CNTLN: variants seen among roughly 807,000 people sequenced by gnomAD.
CNTLN encodes the protein centlein.
Under a neutral mutation model 180.0 loss-of-function variants are expected in CNTLN, and 212 were observed. The observed-to-expected ratio is 1.18, with a 90% CI of 1.05 to 1.32. CNTLN has a LOEUF of 1.32. Among genes scored for constraint, CNTLN ranks in the 40% most tolerant of loss-of-function variants. The pLI, the probability that CNTLN is intolerant of heterozygous loss-of-function variation, is 0.00. For missense variants in CNTLN, 2,095 were observed against 1,610.9 expected (o/e 1.30, Z -5.14); for synonymous variants, 722 against 563.1 (o/e 1.28, Z -3.99).
intron 7 of CNTLN, among the ~76,000 whole-genome samples, chr9:17,304,205 G>A (rs1027667284): frequency 6.6e-6 from 1 of 152,098 alleles, no homozygotes; most frequent in African/African-American, 2.4e-5. Flanking sequence ...AGAGCTCTCC[G>A]TAACAAATCA....
intron 1 of CNTLN, among the ~76,000 whole-genome samples, chr9:17,139,322 G>T (rs1817927758): frequency 6.6e-6 from 1 of 151,924 alleles, no homozygotes; most frequent in Non-Finnish European, 1.5e-5. Flanking sequence ...TCCTGACCTT[G>T]TGATCTGCCC....
At chr9:17,499,106 A>T (rs1384629613) in intron 25 of CNTLN, among the ~76,000 whole-genome samples, 1 of 152,214 alleles carries the variant, frequency 6.6e-6, no homozygotes, top group Non-Finnish European at 1.5e-5. Context: ...AATATGGCAA[A>T]CAAATAAGCA....
Position 17,155,240 on chromosome 9 carries a change from C to T in CNTLN, c.449+11864C>T, listed in dbSNP as rs577873691. Among the ~76,000 whole-genome samples, 12 of 152,296 alleles carry T rather than the reference C, an allele frequency of 7.9e-5. No individual in the cohort carries two copies. In the East Asian group the frequency reaches 1.9e-3, roughly 25 times the overall value. On this transcript the variant is annotated intron_variant, in intron 2 of 25. Coordinates refer to ENST00000380647, the MANE Select transcript of CNTLN (RefSeq NM_017738.4). ...TCCGCAGCTTCATTCGTGAAGTCAG[C>T]GAGACCAAGAACCCACTAGAAGGAA...
chr9:17,415,880 A>G lies in CNTLN; in HGVS notation c.2889A>G (p.Arg963=), dbSNP rs1828185214. The G allele has an allele frequency of 6.2e-7, 1 of 1,605,504 alleles. No individual in the cohort carries two copies. Residue 963 remains arginine (R), a splice_region_variant and synonymous_variant, in exon 17 of 26, where the codon AGA becomes AGG. Transcript: ENST00000380647. ...QKSSHTAVPT[R]VNREKYKNIT... ...GTTCACATACAGCAGTTCCTACTAGAGGTAAGAATGTATATGCAATTAACA... is the reference window on the plus strand; with the variant it reads ...GTTCACATACAGCAGTTCCTACTAGGGGTAAGAATGTATATGCAATTAACA...
chr9:17,288,041 T>G, intron 6 of CNTLN, among the ~76,000 whole-genome samples: 1 of 138,874 alleles, frequency 7.2e-6, no homozygotes, highest in East Asian at 2.1e-4. Context: ...ATTTCTTGCC[T>G]TCTGCTAGCT....
At chr9:17,366,820 C>A (rs1254411920) in intron 13 of CNTLN, 103 bp downstream of exon 13, 1 of 664,856 alleles carries the variant, frequency 1.5e-6, no homozygotes, top group East Asian at 3.0e-5. Flanking sequence ...CTTTTTGTTT[C>A]TTTTCCAACA....
intron 2 of CNTLN, among the ~76,000 whole-genome samples, chr9:17,154,120 T>A (rs1000838888): frequency 6.6e-6 from 1 of 152,122 alleles, no homozygotes; most frequent in Non-Finnish European, 1.5e-5. Flanking sequence ...AGCTCAGAGT[T>A]GTTTGTTATT....
At position 17,327,452 on chromosome 9, in the gene CNTLN, G is replaced by C. The variant is rs542460405; in HGVS notation, c.1342-3180G>C. Among the ~76,000 whole-genome samples, 41 of 150,250 alleles carry C rather than the reference G, an allele frequency of 2.7e-4. 1 individual carries two copies. The highest frequency in any genetic ancestry group is 9.8e-4 in the African/African-American group (40 of 40,994). Reference sequence around the variant, plus strand: ...GCTCTTCTCGGCCTCCCGAAGTGCTGGGATTACAGGCATGAGCCACCGCAC... The same window carrying C: ...GCTCTTCTCGGCCTCCCGAAGTGCTCGGATTACAGGCATGAGCCACCGCAC... On this transcript the variant is annotated intron_variant, in intron 8 of 25. Transcript: ENST00000380647.
chr9:17,317,746 CAGAG>C (rs1040894533), intron 8 of CNTLN, among the ~76,000 whole-genome samples: 1 of 152,078 alleles, frequency 6.6e-6, no homozygotes, highest in African/African-American at 2.4e-5. Context: ...GCATTCTAAA[CAGAG>C]AGAACAAATG....
At chr9:17,415,567 A>T (rs1164518846) in intron 16 of CNTLN, among the ~76,000 whole-genome samples, 1 of 151,978 alleles carries the variant, frequency 6.6e-6, no homozygotes, top group African/African-American at 2.4e-5. Flanking sequence ...TTTAAAAAAT[A>T]TTTTTTTCAA....
intron 7 of CNTLN, among the ~76,000 whole-genome samples, chr9:17,307,581 T>G (rs1279330170): frequency 6.6e-6 from 1 of 152,136 alleles, no homozygotes; most frequent in Non-Finnish European, 1.5e-5. Context: ...AGATACATTT[T>G]TTTTTAAAAT....
intron 2 of CNTLN, among the ~76,000 whole-genome samples, chr9:17,163,293 C>T (rs1819810125): frequency 6.6e-6 from 1 of 152,140 alleles, no homozygotes; most frequent in Non-Finnish European, 1.5e-5. Context: ...ACAGCCAAAC[C>T]ATATTAGATG....
intron 2 of CNTLN, among the ~76,000 whole-genome samples, chr9:17,160,419 G>A (rs944645268): frequency 6.6e-6 from 1 of 152,018 alleles, no homozygotes; most frequent in African/African-American, 2.4e-5. Flanking sequence ...ACTATCACAG[G>A]CATGACATTT....
chr9:17,325,168 ATATTCT>A (rs1318963217), intron 8 of CNTLN, among the ~76,000 whole-genome samples: 2 of 107,428 alleles, frequency 1.9e-5, no homozygotes, highest in African/African-American at 5.6e-5. Context: ...TGTTAAATTG[ATATTCT>A]TTTTCTTTTT....
At chr9:17,379,051 G>T (rs1018108894) in intron 13 of CNTLN, among the ~76,000 whole-genome samples, 1 of 138,428 alleles carries the variant, frequency 7.2e-6, no homozygotes, top group East Asian at 2.2e-4. Flanking sequence ...TACATTGACA[G>T]ATTTTTTTTT....
At chr9:17,376,299 T>G (rs1824750840) in intron 13 of CNTLN, among the ~76,000 whole-genome samples, 1 of 152,050 alleles carries the variant, frequency 6.6e-6, no homozygotes, top group Non-Finnish European at 1.5e-5. Flanking sequence ...TGACTTTATG[T>G]TTTTTTGAAA....
At chr9:17,510,582 A>G in the CNTLN span, among the ~76,000 whole-genome samples, 93 of 152,324 alleles carry the variant, frequency 6.1e-4, no homozygotes, top group African/African-American at 2.1e-3. Context: ...GTTGAGTACA[A>G]GAAAAAGACT....
At chr9:17,154,057 A>G (rs1444702313) in intron 2 of CNTLN, among the ~76,000 whole-genome samples, 1 of 151,684 alleles carries the variant, frequency 6.6e-6, no homozygotes, top group African/African-American at 2.4e-5. Flanking sequence ...CATTTGACTG[A>G]CTCTTTTTCA....
intron 23 of CNTLN, among the ~76,000 whole-genome samples, chr9:17,480,805 A>C (rs1183235118): frequency 6.6e-6 from 1 of 152,258 alleles, no homozygotes; most frequent in African/African-American, 2.4e-5. Flanking sequence ...ACTGTTTCAA[A>C]TTAAAAAGCA....
Sources: gnomAD v4.1 joint callset for allele counts (sites outside exome capture counted in the v4.1 genomes callset) on GRCh38, gnomAD v4.1.1 for gene constraint, MANE v1.5 for transcripts, NCBI Gene and HGNC (gene_info 2026-07-23, HGNC 2026-07-21) for gene names.